Variants in ZNF568 observed in about 807,000 individuals in gnomAD.
The protein encoded by ZNF568 is zinc finger protein 568, also known as p53 inhibitor of SCO2 activation.
Under a neutral mutation model 18.1 loss-of-function variants are expected in ZNF568, and 11 were observed. The ratio of observed to expected loss-of-function variants is 0.61; its 90% CI spans 0.38 to 1.00. The LOEUF (loss-of-function observed/expected upper bound fraction) is 1.00. Ranked by LOEUF, ZNF568 falls within the 50% of genes least tolerant of loss-of-function variation. The probability of loss-of-function intolerance (pLI) is 0.01; values close to 1 mark genes in which losing one functional copy is unlikely to be tolerated. For missense variants in ZNF568, 639 were observed against 768.2 expected, an observed-to-expected ratio of 0.83 and a Z score of 1.99; for synonymous variants, 213 against 246.6, an observed-to-expected ratio of 0.86 and a Z score of 1.28.
intron 4 of ZNF568, 24 bp downstream of exon 4, chr19:36,925,282 T>G (rs757324477): frequency 6.2e-7 from 1 of 1,610,962 alleles, no homozygotes; most frequent in Admixed American, 1.7e-5. Context: ...ATTTATTTGT[T>G]TCCTGCATTA....
chr19:36,997,570 C>A (rs1644698), downstream of ZNF568: 1 of 1,578,896 alleles, frequency 6.3e-7, no homozygotes, highest in South Asian at 1.1e-5. Flanking sequence ...GTGTGGGAAG[C>A]CCTTTGGTGG....
intron 7 of ZNF568, chr19:36,976,460 G>T (rs1315585197): frequency 6.6e-6 from 1 of 152,060 alleles, no homozygotes; most frequent in Non-Finnish European, 1.5e-5. Flanking sequence ...TTCTTGGCAA[G>T]TCATAGTTTC....
chr19:36,987,822 C>CTGTGTGTGTGTGTGTGTGTGTGTGTGTG (rs56000710), intron 2 of ZNF568, among the ~76,000 whole-genome samples: 5 of 146,420 alleles, frequency 3.4e-5, no homozygotes, highest in East Asian at 2.2e-4. Context: ...AACACAGACT[C>CTGTGTGTGTGTGTGTGTGTGTGTGTGTG]TGTGTGTGTG....
chr19:36,946,665 T>C (rs2073970713), intron 6 of ZNF568, among the ~76,000 whole-genome samples: 1 of 147,926 alleles, frequency 6.8e-6, no homozygotes, highest in Non-Finnish European at 1.5e-5. Flanking sequence ...TTTTTTTTTT[T>C]TTTTGAGATG....
At position 36,996,702 on chromosome 19, in the gene ZNF568, CA is replaced by C. The variant is rs1318830800; in HGVS notation, c.621del (p.Lys207AsnfsTer128). 2.0e-6 allele frequency: 3 copies of C among 1,535,784 alleles called. No individual in the cohort carries two copies. Among genetic ancestry groups the C allele is most frequent in the Non-Finnish European group, 2.6e-6 (3 of 1,146,808 alleles). ...TTAAGCATCAGACGCTTCATGAAAG[CA>C]AAAAACATAGTGAAAATAACAAATG... On this transcript the variant is annotated frameshift_variant, in exon 5 of 5. Coordinates refer to the ZNF568 transcript ENST00000433993. LOFTEE classifies it low-confidence loss of function (END_TRUNC).
At position 36,950,915 on chromosome 19, in the gene ZNF568, T is replaced by G. The variant is rs2074050478; in HGVS notation, c.1762T>G (p.Cys588Gly). 6.2e-7 allele frequency: 1 copy of G among 1,613,618 alleles called. No individual in the cohort carries two copies. Among genetic ancestry groups the G allele is most frequent in the Admixed American group, 1.7e-5 (1 of 59,944 alleles). ...TCACACAGGGGAGAAACCCTATGAA[T>G]GTAATAAATGTGGGAAAGCCTTTTC... is the stretch of plus-strand genomic sequence containing the variant. ...RSHTGEKPYE[C>G]NKCGKAFSQC... Residue 588 changes from cysteine to glycine, a missense_variant, in exon 7 of 7, where the codon TGT (cysteine) becomes GGT (glycine). By Grantham distance (159) the Cys-to-Gly change is radical. Transcript: ENST00000333987.
At chr19:36,935,725 T>C (rs980342573) in intron 4 of ZNF568, among the ~76,000 whole-genome samples, 7 of 152,204 alleles carry the variant, frequency 4.6e-5, no homozygotes, top group African/African-American at 7.2e-5. Context: ...CATTATAAAA[T>C]GTCCTTTAGT....
intron 6 of ZNF568, among the ~76,000 whole-genome samples, chr19:36,961,355 G>T (rs1600832378): frequency 2.1e-5 from 3 of 144,956 alleles, no homozygotes; most frequent in South Asian, 4.3e-4. Flanking sequence ...CTCACTTTTG[G>T]TTTCCATTTT....
chr19:36,950,352 C>G lies in ZNF568; in HGVS notation c.1199C>G (p.Ser400Cys). ...YKCNKCGKAF[S>C]QCSVFIIHMR... ...TGTAATAAATGTGGAAAAGCTTTCT[C>G]TCAATGCTCAGTATTTATTATACAT... The change falls in exon 7 of 7, where the codon TCT becomes TGT. Residue 400 changes from serine (S) to cysteine (C), a missense_variant. By Grantham distance (112) the Ser-to-Cys change is moderately radical. Coordinates refer to ENST00000333987, the MANE Select transcript of ZNF568 (RefSeq NM_198539.4). 6.2e-7 allele frequency: 1 copy of G among 1,613,806 alleles called. No individual in the cohort carries two copies. Among genetic ancestry groups the G allele is most frequent in the Non-Finnish European group, 8.5e-7 (1 of 1,179,832 alleles).
intron 6 of ZNF568, among the ~76,000 whole-genome samples, chr19:36,940,561 GT>G (rs961422047): frequency 3.3e-5 from 5 of 152,094 alleles, no homozygotes; most frequent in African/African-American, 1.2e-4. Context: ...CTTATTTTTG[GT>G]TGTTTTAAAA....
At chr19:36,917,895 CTG>C (rs1160264671) in intron 2 of ZNF568, among the ~76,000 whole-genome samples, 1 of 152,112 alleles carries the variant, frequency 6.6e-6, no homozygotes, top group Non-Finnish European at 1.5e-5. Context: ...CCACCAATTT[CTG>C]TGTTATTCTT....
chr19:36,919,634 G>A (rs548205892), intron 2 of ZNF568, among the ~76,000 whole-genome samples: 8 of 152,240 alleles, frequency 5.3e-5, no homozygotes, highest in Non-Finnish European at 1.2e-4. Context: ...TCACTCACCT[G>A]CTGCTCACTT....
intron 2 of ZNF568, among the ~76,000 whole-genome samples, chr19:36,919,314 A>G (rs2073409949): frequency 6.6e-6 from 1 of 152,142 alleles, no homozygotes; most frequent in African/African-American, 2.4e-5. Flanking sequence ...TATATAACTA[A>G]ATTATAGTCA....
chr19:36,971,833 G>C (rs551155169), intron 6 of ZNF568, among the ~76,000 whole-genome samples: 161 of 138,644 alleles, frequency 1.2e-3, no homozygotes, highest in Non-Finnish European at 1.8e-3. Flanking sequence ...CACTGCGCCT[G>C]ACCTATTTAT....
At chr19:36,961,592 T>A (rs1205190013) in intron 6 of ZNF568, among the ~76,000 whole-genome samples, 2 of 151,824 alleles carry the variant, frequency 1.3e-5, no homozygotes, top group African/African-American at 4.8e-5. Flanking sequence ...AATGGCGGGT[T>A]CTTGGCTCAC....
chr19:36,976,249 G>A (rs1452263493), intron 7 of ZNF568: 2 of 151,640 alleles, frequency 1.3e-5, no homozygotes, highest in Non-Finnish European at 2.9e-5. Flanking sequence ...TTTTCAGAGT[G>A]GGTTCATACT....
intron 6 of ZNF568, chr19:36,973,429 G>A (rs999180523): frequency 9.8e-5 from 15 of 153,468 alleles, no homozygotes; most frequent in Non-Finnish European, 2.0e-4. Flanking sequence ...TGTGCGATGG[G>A]GAAGGAAGAG....
At chr19:36,986,303 G>C (rs1187503612) in intron 2 of ZNF568, among the ~76,000 whole-genome samples, 1 of 151,996 alleles carries the variant, frequency 6.6e-6, no homozygotes, top group African/African-American at 2.4e-5. Context: ...TTGTAGTATG[G>C]AATTAATTAG....
intron 4 of ZNF568, among the ~76,000 whole-genome samples, chr19:36,926,783 C>A (rs2146273619): frequency 6.6e-6 from 1 of 152,210 alleles, no homozygotes; most frequent in East Asian, 1.9e-4. Flanking sequence ...TAATTATTAT[C>A]AGACGTCTAT....
Sources: allele counts gnomAD v4.1 joint callset (sites outside exome capture counted in the v4.1 genomes callset), GRCh38; gene constraint gnomAD v4.1.1; transcripts MANE v1.5; gene names NCBI Gene and HGNC (gene_info 2026-07-23, HGNC 2026-07-21).